APBB1: variants seen among roughly 807,000 people sequenced by gnomAD.
APBB1 encodes adaptor protein FE65a2.
In APBB1, 22 loss-of-function variants were observed where a neutral mutation model predicts 78.4. The observed-to-expected ratio is 0.28, with a 90% CI of 0.20 to 0.40. The LOEUF is 0.40. Among genes scored for constraint, APBB1 ranks in the 10% least tolerant of loss-of-function variants. The pLI, the probability that APBB1 is intolerant of heterozygous loss-of-function variation, is 1.00. For missense variants in APBB1, 749 were observed against 932.4 expected, an observed-to-expected ratio of 0.80 and a Z score of 2.56; for synonymous variants, 369 against 372.7, an observed-to-expected ratio of 0.99 and a Z score of 0.12.
chr11:6,416,093 C>A (rs902483246), intron 1 of APBB1, among the ~76,000 whole-genome samples: 1 of 152,174 alleles, frequency 6.6e-6, no homozygotes. Context: ...GTCATTCAAT[C>A]CAACAGACAC....
Position 6,404,720 on chromosome 11 carries a change from G to T in APBB1, c.722-898C>A, listed in dbSNP as rs964621074. On this transcript the variant is annotated intron_variant, in intron 2 of 14. Transcript: ENST00000609360. Reference sequence around the variant, plus strand: ...TCCCTGTCAGCCCCACCCCACATGAGGCCCAACCTCATGCTGCCCCTCACC... The same window carrying T: ...TCCCTGTCAGCCCCACCCCACATGATGCCCAACCTCATGCTGCCCCTCACC... The T allele has an allele frequency of 6.5e-6, 10 of 1,536,038 alleles. No individual in the cohort carries two copies. The African/African-American group carries it at 1.4e-4, about 21-fold the overall frequency.
At chr11:6,413,875 G>A (rs1050794741) in intron 1 of APBB1, among the ~76,000 whole-genome samples, 1 of 152,164 alleles carries the variant, frequency 6.6e-6, no homozygotes, top group African/African-American at 2.4e-5. Context: ...TGCCTCACGT[G>A]GGGCTGTTGA....
chr11:6,404,928 G>A (rs1848731824), intron 2 of APBB1: 18 of 1,450,146 alleles, frequency 1.2e-5, no homozygotes, highest in Non-Finnish European at 1.6e-5. Context: ...CCAGGGCAGA[G>A]CGTCTGCCAG....
chr11:6,405,927 T>C (rs1019142494), intron 2 of APBB1, among the ~76,000 whole-genome samples: 2 of 152,206 alleles, frequency 1.3e-5, no homozygotes, highest in South Asian at 2.1e-4. Context: ...GCCTGCTTCA[T>C]GAGGGCTGGC....
chr11:6,399,623 C>G (rs1356385772), intron 12 of APBB1, among the ~76,000 whole-genome samples: 2 of 152,206 alleles, frequency 1.3e-5, no homozygotes, highest in East Asian at 3.8e-4. Context: ...CTGCTCACAT[C>G]CACCTCCACC....
chr11:6,404,873 C>T, intron 2 of APBB1: 1 of 1,525,434 alleles, frequency 6.6e-7, no homozygotes, highest in Non-Finnish European at 8.8e-7. Context: ...GGGCTCACAG[C>T]CTGGTGCTGG....
At chr11:6,409,942 T>C (rs1453600630) in intron 2 of APBB1, among the ~76,000 whole-genome samples, 2 of 152,196 alleles carry the variant, frequency 1.3e-5, no homozygotes, top group Non-Finnish European at 2.9e-5. Context: ...ATCCTTGCAA[T>C]GGTGCTGGAG....
chr11:6,407,803 C>A (rs980929857), intron 2 of APBB1, among the ~76,000 whole-genome samples: 1 of 146,648 alleles, frequency 6.8e-6, no homozygotes, highest in Non-Finnish European at 1.5e-5. Flanking sequence ...GACGGAGTCT[C>A]GCTCTGTCGC....
intron 1 of APBB1, among the ~76,000 whole-genome samples, chr11:6,413,717 C>T (rs1304894717): frequency 2.0e-5 from 3 of 152,034 alleles, no homozygotes; most frequent in Non-Finnish European, 2.9e-5. Context: ...GTGATCCACC[C>T]GCCTCAGCCT....
At chr11:6,404,799 C>G (rs778511720) in intron 2 of APBB1, 14 of 1,536,074 alleles carry the variant, frequency 9.1e-6, no homozygotes, top group Non-Finnish European at 1.2e-5. Flanking sequence ...GAGAACATGG[C>G]GCTCATTCCC....
intron 12 of APBB1, among the ~76,000 whole-genome samples, chr11:6,397,725 C>T (rs554421936): frequency 5.9e-5 from 9 of 152,342 alleles, no homozygotes; most frequent in Admixed American, 2.6e-4. Context: ...AAACTTTTTT[C>T]CACACTGGGC....
At chr11:6,419,109 C>T (rs1375789483), upstream of APBB1, 3 of 376,286 alleles carry the variant, frequency 8.0e-6, no homozygotes, top group Non-Finnish European at 1.4e-5. Context: ...GGCCGCGCCC[C>T]GAGCGGCGGA....
chr11:6,416,673 G>A (rs1849124982), intron 1 of APBB1, among the ~76,000 whole-genome samples: 2 of 151,772 alleles, frequency 1.3e-5, no homozygotes. Flanking sequence ...TCCTCTCTGA[G>A]AAAAATTTCT....
chr11:6,415,613 GGACATA>G (rs1416967566), intron 1 of APBB1, among the ~76,000 whole-genome samples: 2 of 152,148 alleles, frequency 1.3e-5, no homozygotes, highest in African/African-American at 4.8e-5. Flanking sequence ...CCTGAGACTA[GGACATA>G]ACTCTCCATT....
Position 6,403,924 on chromosome 11 carries a change from T to A in APBB1, c.722-102A>T, listed in dbSNP as rs901931. 4 of 1,278,430 alleles carry A rather than the reference T, an allele frequency of 3.1e-6. No individual in the cohort carries two copies. Among genetic ancestry groups the A allele is most frequent in the Non-Finnish European group, 4.3e-6 (4 of 933,704 alleles). 79.2% of individuals were successfully genotyped at this position (1,278,430 alleles called of 1,614,324 possible). A position where few individuals can be genotyped will look rare whatever the true frequency, so the allele number is the denominator to read the frequency against. Reference sequence around the variant, plus strand: ...AGACCCCATGGTTGAGAAGGGGTGGTGGAAGAGCTATACCACAACACAGTT... The same window carrying A: ...AGACCCCATGGTTGAGAAGGGGTGGAGGAAGAGCTATACCACAACACAGTT... On this transcript the variant is annotated intron_variant, in intron 2 of 14. Coordinates refer to ENST00000609360, the MANE Select transcript of APBB1 (RefSeq NM_001164.5). The surrounding 1 kb of genome is among the most constrained non-coding windows in gnomAD (Gnocchi z 5.3).
At position 6,402,132 on chromosome 11, in the gene APBB1, G is replaced by C; in HGVS notation, c.1332C>G (p.Ala444=). ...ACACGCGGATGCTGATGATGGGTTG[G>C]GCGTGCAGCAGTGCCTGGCTCTGTG... The part of the protein sequence containing the change: ...VEPQSQALLH[A]QPIISIRVWG... Residue 444 remains alanine (A), a synonymous_variant, in exon 8 of 15, where the codon GCC becomes GCG. Transcript: ENST00000609360. 1 of 1,614,106 alleles carries C rather than the reference G, an allele frequency of 6.2e-7. No individual in the cohort carries two copies. Among genetic ancestry groups the C allele is most frequent in the Non-Finnish European group, 8.5e-7 (1 of 1,180,016 alleles).
Position 6,403,903 on chromosome 11 carries a change from CCCAT to C in APBB1, c.722-85_722-82del, listed in dbSNP as rs1848669259. The C allele has an allele frequency of 6.9e-7, 1 of 1,446,560 alleles. No individual in the cohort carries two copies. 89.6% of individuals were successfully genotyped at this position (1,446,560 alleles called of 1,614,324 possible). A position where few individuals can be genotyped will look rare whatever the true frequency, so the allele number is the denominator to read the frequency against. ...GCCTATGCCCGGTCCCCTCTGAGAC[CCCAT>C]GGTTGAGAAGGGGTGGTGGAAGAGC... is the stretch of plus-strand genomic sequence containing the variant. On this transcript the variant is annotated intron_variant, in intron 2 of 14. Transcript: ENST00000609360. The surrounding 1 kb of genome is among the most constrained non-coding windows in gnomAD (Gnocchi z 5.3).
chr11:6,419,204 C>T (rs1199807569), upstream of APBB1: 2 of 310,826 alleles, frequency 6.4e-6, no homozygotes, highest in South Asian at 1.6e-4. Context: ...GCCGCAGCTT[C>T]TTGGGGGCCT....
chr11:6,395,684 A>G lies in APBB1; in HGVS notation c.1983T>C (p.Cys661=). Residue 661 remains cysteine, a synonymous_variant, in exon 15 of 15, where the codon TGT becomes TGC. Transcript: ENST00000609360. This position sits in a 1 kb window ranked among gnomAD's most constrained non-coding sequence, Gnocchi z 5.2. The stretch of plus-strand genomic sequence containing the variant: ...TGGAGGCCTGGGAACGGGCATCCAG[A>G]CACTTCTGGTAGCGAAGCTGCGGAG... The part of the protein sequence containing the change: ...QAACMLRYQK[C]LDARSQASTS... 1 of 1,589,282 alleles carries G rather than the reference A, an allele frequency of 6.3e-7. No individual in the cohort carries two copies. The highest frequency in any genetic ancestry group is 8.6e-7 in the Non-Finnish European group (1 of 1,167,082).
Sources: gnomAD v4.1 joint callset for allele counts (sites outside exome capture counted in the v4.1 genomes callset) on GRCh38, gnomAD v4.1.1 for gene constraint, Gnocchi (gnomAD v3.1) non-coding constraint, MANE v1.5 for transcripts, NCBI Gene and HGNC (gene_info 2026-07-23, HGNC 2026-07-21) for gene names.